Variants in CDH13 observed in about 807,000 individuals in gnomAD.
CDH13 encodes the protein cadherin-13.
CDH13 carries 24 observed loss-of-function variants against 63.8 expected under a neutral mutation model. That is an observed-to-expected ratio of 0.38 (90% CI 0.27 to 0.53). The LOEUF (loss-of-function observed/expected upper bound fraction) is 0.53, where lower values mean the gene tolerates loss of function less well. Ranked by LOEUF, CDH13 falls within the 20% of genes least tolerant of loss-of-function variation. The probability of loss-of-function intolerance (pLI) is 0.85; values close to 1 mark genes in which losing one functional copy is unlikely to be tolerated. For missense variants in CDH13, 1,049 were observed against 903.1 expected, an observed-to-expected ratio of 1.16 and a Z score of -2.07; for synonymous variants, 503 against 355.3, an observed-to-expected ratio of 1.42 and a Z score of -4.67.
chr16:83,378,456 G>A (rs1163811737), intron 6 of CDH13, among the ~76,000 whole-genome samples: 2 of 152,132 alleles, frequency 1.3e-5, no homozygotes, highest in South Asian at 2.1e-4. Context: ...TGTCTGCAAC[G>A]ATAATATATG....
intron 5 of CDH13, among the ~76,000 whole-genome samples, chr16:83,290,559 A>G (rs1011626684): frequency 6.6e-6 from 1 of 152,144 alleles, no homozygotes; most frequent in Non-Finnish European, 1.5e-5. Flanking sequence ...ATGTGGGACT[A>G]TGAGTTCATT....
At chr16:82,642,837 T>C (rs950494420) in intron 1 of CDH13, among the ~76,000 whole-genome samples, 1 of 152,226 alleles carries the variant, frequency 6.6e-6, no homozygotes, top group Non-Finnish European at 1.5e-5. Context: ...ATATCTTCTA[T>C]GGTTTTAATC....
intron 3 of CDH13, among the ~76,000 whole-genome samples, chr16:83,064,447 T>C (rs1311704363): frequency 6.6e-6 from 1 of 152,150 alleles, no homozygotes; most frequent in Non-Finnish European, 1.5e-5. Context: ...AGAAATGTAA[T>C]GTGAGCCAGA....
At chr16:83,594,632 T>G (rs184942909) in intron 7 of CDH13, among the ~76,000 whole-genome samples, 86 of 152,224 alleles carry the variant, frequency 5.6e-4, no homozygotes, top group South Asian at 3.1e-3. Flanking sequence ...TAAAGAGAGA[T>G]GTAGAGTGCA....
At chr16:83,144,756 C>T (rs984648609) in intron 4 of CDH13, among the ~76,000 whole-genome samples, 1 of 152,214 alleles carries the variant, frequency 6.6e-6, no homozygotes, top group Admixed American at 6.5e-5. Flanking sequence ...ATCACCTGGG[C>T]TGGGGATCCC....
At chr16:83,615,223 C>T (rs1271368722) in intron 8 of CDH13, among the ~76,000 whole-genome samples, 1 of 152,132 alleles carries the variant, frequency 6.6e-6, no homozygotes, top group East Asian at 1.9e-4. Context: ...GCGTTTACTT[C>T]CTTTAGGAGA....
chr16:83,119,023 C>G (rs1451094129), intron 3 of CDH13, among the ~76,000 whole-genome samples: 1 of 152,204 alleles, frequency 6.6e-6, no homozygotes, highest in African/African-American at 2.4e-5. Flanking sequence ...AGAGTCCTCA[C>G]TGTCCATGTA....
At chr16:83,180,768 C>A in intron 4 of CDH13, 3 of 805,446 alleles carry the variant, frequency 3.7e-6, no homozygotes, top group Non-Finnish European at 6.0e-6. Context: ...TTCTTTAAGA[C>A]AAACAAACAA....
intron 1 of CDH13, among the ~76,000 whole-genome samples, chr16:82,847,298 A>C (rs1344084388): frequency 6.6e-6 from 1 of 152,222 alleles, no homozygotes; most frequent in African/African-American, 2.4e-5. Flanking sequence ...CAGAAGTTCA[A>C]AATGGGCTTC....
Position 83,075,553 on chromosome 16 carries a change from T to C in CDH13, c.366+43335T>C, listed in dbSNP as rs182992030. On this transcript the variant is annotated intron_variant, in intron 3 of 13. Transcript: ENST00000567109. ...GTTGCTGAGCATTGCATCCAGTGCG[T>C]ACCTTGTTCCCTTGCTGCACTCTCA... Among the ~76,000 whole-genome samples, 354 of 152,352 alleles carry C rather than the reference T, an allele frequency of 2.3e-3. 2 individuals are homozygous for C. The highest frequency in any genetic ancestry group is 3.0e-3 in the Non-Finnish European group (203 of 68,040).
At position 83,799,047 on chromosome 16, in the gene CDH13, C is replaced by T. The variant is rs1219147748; in HGVS notation, c.*4017C>T. On this transcript the variant is annotated 3_prime_UTR_variant, in exon 14 of 14. Coordinates refer to ENST00000567109, the MANE Select transcript of CDH13 (RefSeq NM_001257.5). ...TCAAAAGTAGCCGGGCATGGTGACT[C>T]ATGCCTGTAATCCCAGCCCTTTGGG... is the stretch of plus-strand genomic sequence containing the variant. The T allele has an allele frequency of 6.6e-6, 1 of 152,114 alleles. No individual in the cohort carries two copies. Among genetic ancestry groups the T allele is most frequent in the Non-Finnish European group, 1.5e-5 (1 of 68,016 alleles). The allele number at this position is 152,114 out of a possible 1,614,324, so 9.4% of individuals were successfully genotyped here. A position where few individuals can be genotyped will look rare whatever the true frequency, so the allele number is the denominator to read the frequency against.
rs529479228 is a variant in CDH13 at position 83,489,023 on chromosome 16, T to C, written c.960+2368T>C. Among the ~76,000 whole-genome samples the C allele has an allele frequency of 4.5e-4, 68 of 152,290 alleles. 1 individual carries two copies. Among genetic ancestry groups the C allele is most frequent in the African/African-American group, 1.6e-3 (67 of 41,572 alleles). ...TCCCCACTTGACACGTGTGTGCAGG[T>C]GCACACACACATGCCAGCTTTTCTA... On this transcript the variant is annotated intron_variant, in intron 7 of 13. Coordinates refer to ENST00000567109, the MANE Select transcript of CDH13 (RefSeq NM_001257.5).
At chr16:82,716,152 G>A (rs1229916802) in intron 1 of CDH13, among the ~76,000 whole-genome samples, 1 of 152,188 alleles carries the variant, frequency 6.6e-6, no homozygotes, top group Non-Finnish European at 1.5e-5. Flanking sequence ...GAGAGCCATG[G>A]CACTCCTCAA....
At chr16:83,282,183 G>A (rs1333269055) in intron 5 of CDH13, among the ~76,000 whole-genome samples, 1 of 152,042 alleles carries the variant, frequency 6.6e-6, no homozygotes, top group Non-Finnish European at 1.5e-5. Context: ...TGCGGACATG[G>A]CTCATGGTAC....
At chr16:83,166,527 A>G (rs2037679460) in intron 4 of CDH13, among the ~76,000 whole-genome samples, 1 of 152,114 alleles carries the variant, frequency 6.6e-6, no homozygotes, top group African/African-American at 2.4e-5. Flanking sequence ...CTTCAAGAAA[A>G]TGTGAGGAAC....
At chr16:83,065,562 A>C (rs2031937351) in intron 3 of CDH13, among the ~76,000 whole-genome samples, 1 of 152,026 alleles carries the variant, frequency 6.6e-6, no homozygotes, top group Non-Finnish European at 1.5e-5. Context: ...AAAATTAGCC[A>C]GGTGTGGTGG....
In CDH13 at chr16:83,203,828, G is replaced by A. The variant is rs140859328; in HGVS notation, c.484-13517G>A. On this transcript the variant is annotated intron_variant, in intron 4 of 13. Transcript: ENST00000567109. ...TGAAGTTTGGCAAGTTAGCAAGAGA[G>A]TAAGCATGTATAGTTCAACAGCATC... is the stretch of plus-strand genomic sequence containing the variant. Among the ~76,000 whole-genome samples the A allele has an allele frequency of 5.6e-3, 853 of 152,260 alleles. 10 individuals are homozygous for A. The highest frequency in any genetic ancestry group is 0.019 in the African/African-American group (802 of 41,536).
chr16:83,580,466 C>CTT (rs1392827381), intron 7 of CDH13, among the ~76,000 whole-genome samples: 2 of 78,264 alleles, frequency 2.6e-5, no homozygotes, highest in Admixed American at 2.4e-4. Context: ...CTCTCTCTCT[C>CTT]TCTCTCTCTC....
intron 4 of CDH13, among the ~76,000 whole-genome samples, chr16:83,216,712 A>T (rs1342307942): frequency 6.8e-6 from 1 of 147,572 alleles, no homozygotes; most frequent in African/African-American, 2.5e-5. Context: ...TATAATATTG[A>T]TGCATATATA....
Sources: gnomAD v4.1 joint callset for allele counts (sites outside exome capture counted in the v4.1 genomes callset) on GRCh38, gnomAD v4.1.1 for gene constraint, MANE v1.5 for transcripts, NCBI Gene and HGNC (gene_info 2026-07-23, HGNC 2026-07-21) for gene names.